The following CEP63 variants were observed in gnomAD, a reference collection of about 807,000 sequenced individuals.
The protein encoded by CEP63 is centrosomal protein of 63 kDa.
A neutral mutation model predicts 89.1 loss-of-function variants in CEP63; 84 were observed. That is an observed-to-expected ratio of 0.94 (90% confidence interval 0.79 to 1.13). CEP63 has a LOEUF of 1.13. Ranked by LOEUF, CEP63 falls within the 50% of genes most tolerant of loss-of-function variation. The pLI, the probability that CEP63 is intolerant of heterozygous loss-of-function variation, is 0.00. For synonymous variants in CEP63, 267 were observed against 272.5 expected (o/e 0.98, Z 0.20); for missense variants, 838 against 813.3 (o/e 1.03, Z -0.37).
At chr3:134,689,047 T>C in the CEP63 span, among the ~76,000 whole-genome samples, 206 of 152,320 alleles carry the variant, frequency 1.4e-3, no homozygotes, top group Middle Eastern at 3.4e-3. Flanking sequence ...TGTTTAGTGA[T>C]GGTTGGGCAC....
the CEP63 span, among the ~76,000 whole-genome samples, chr3:134,744,957 A>G: frequency 1.3e-5 from 2 of 152,246 alleles, no homozygotes; most frequent in African/African-American, 4.8e-5. Flanking sequence ...AATAAAATGC[A>G]TACTTTTAAG....
the CEP63 span, among the ~76,000 whole-genome samples, chr3:134,678,170 G>C: frequency 6.6e-6 from 1 of 152,006 alleles, no homozygotes; most frequent in Non-Finnish European, 1.5e-5. Flanking sequence ...GCTGCTTGTT[G>C]GTAGCCACAG....
chr3:134,499,212 A>G (rs1291055353), intron 2 of CEP63, among the ~76,000 whole-genome samples: 1 of 151,780 alleles, frequency 6.6e-6, no homozygotes, highest in African/African-American at 2.4e-5. Flanking sequence ...CAGTCATGTT[A>G]CTCATTATTG....
chr3:134,760,580 T>C, the CEP63 span, among the ~76,000 whole-genome samples: 11 of 152,212 alleles, frequency 7.2e-5, no homozygotes, highest in African/African-American at 1.9e-4. Flanking sequence ...TTACCATTTA[T>C]TGAGCAATTC....
At chr3:134,711,863 A>G in the CEP63 span, among the ~76,000 whole-genome samples, 2 of 151,586 alleles carry the variant, frequency 1.3e-5, no homozygotes, top group Non-Finnish European at 1.5e-5. Flanking sequence ...CCTGGGTTCA[A>G]GTGATTCTCC....
At chr3:134,626,457 G>A in the CEP63 span, among the ~76,000 whole-genome samples, 11 of 152,302 alleles carry the variant, frequency 7.2e-5, no homozygotes, top group South Asian at 8.3e-4. Flanking sequence ...TGATGTTAGC[G>A]TCACACTGCT....
chr3:134,502,368 T>C (rs1010945912), intron 2 of CEP63, among the ~76,000 whole-genome samples: 3 of 152,178 alleles, frequency 2.0e-5, no homozygotes, highest in Admixed American at 6.5e-5. Flanking sequence ...TCCCTGCTCC[T>C]CAATGTTTTG....
chr3:134,577,090 G>C (rs112800297), downstream of CEP63, among the ~76,000 whole-genome samples: 1 of 152,276 alleles, frequency 6.6e-6, no homozygotes, highest in African/African-American at 2.4e-5. Context: ...GAAAGGGAGT[G>C]GGGGCCCAGC....
At chr3:134,603,788 G>A in the CEP63 span, 362 of 1,613,258 alleles carry the variant, frequency 2.2e-4, 2 homozygotes, top group East Asian at 2.8e-3. Flanking sequence ...GGGACATTCC[G>A]GTTGGCAGGA....
the CEP63 span, among the ~76,000 whole-genome samples, chr3:134,600,481 A>T: frequency 6.6e-6 from 1 of 152,184 alleles, no homozygotes; most frequent in Non-Finnish European, 1.5e-5. Flanking sequence ...CATATGGGGA[A>T]CTCACAATGA....
intron 12 of CEP63, 102 bp downstream of exon 12, chr3:134,552,114 C>G: frequency 3.1e-6 from 2 of 654,532 alleles, no homozygotes; most frequent in Non-Finnish European, 5.2e-6. Context: ...CAACTTAGAT[C>G]CTTTTGCAGA....
chr3:134,704,430 A>G, the CEP63 span, among the ~76,000 whole-genome samples: 1 of 152,118 alleles, frequency 6.6e-6, no homozygotes, highest in Non-Finnish European at 1.5e-5. Context: ...GAGAGAGAGA[A>G]CGAAAGCAGG....
intron 1 of CEP63, chr3:134,486,834 C>G (rs1190555562): frequency 6.6e-6 from 1 of 152,258 alleles, no homozygotes; most frequent in Non-Finnish European, 1.5e-5. Flanking sequence ...CCTGAACTAA[C>G]GGCTCCATGC....
At chr3:134,683,396 T>G in the CEP63 span, among the ~76,000 whole-genome samples, 1 of 152,174 alleles carries the variant, frequency 6.6e-6, no homozygotes, top group Admixed American at 6.5e-5. Flanking sequence ...CTCATTTTAC[T>G]GAAAAGGACC....
chr3:134,629,080 C>T, the CEP63 span, among the ~76,000 whole-genome samples: 3 of 152,182 alleles, frequency 2.0e-5, no homozygotes, highest in East Asian at 1.9e-4. Flanking sequence ...GAGACATCAT[C>T]GTCCTGGGCC....
At position 134,559,316 on chromosome 3, in the gene CEP63, T is replaced by G. The variant is rs763519099; in HGVS notation, c.1840T>G (p.Ser614Ala). 1 of 1,614,162 alleles carries G rather than the reference T, an allele frequency of 6.2e-7. No individual in the cohort carries two copies. Among genetic ancestry groups the G allele is most frequent in the South Asian group, 1.1e-5 (1 of 91,084 alleles). The stretch of plus-strand genomic sequence containing the variant: ...TTGCAGCTCCACCAGGTCTTTGACT[T>G]CCTACTCTCTATGTAAAACTCATTC... The part of the protein sequence containing the change: ...SPCSSTRSLT[S>A]YSLCKTHSLP... Residue 614 changes from serine to alanine, a missense_variant, in exon 14 of 15, where the codon TCC (serine) becomes GCC (alanine). Transcript: ENST00000675561.
chr3:134,584,442 T>C (rs1045161374), intron 10 of CEP63, among the ~76,000 whole-genome samples: 1 of 152,120 alleles, frequency 6.6e-6, no homozygotes, highest in African/African-American at 2.4e-5. Flanking sequence ...AATCATGTGG[T>C]TTTTGTCGTT....
chr3:134,622,083 G>A, the CEP63 span, among the ~76,000 whole-genome samples: 2 of 152,174 alleles, frequency 1.3e-5, no homozygotes, highest in African/African-American at 2.4e-5. Flanking sequence ...CAAGAATATG[G>A]AGGAATTGGA....
At chr3:134,659,950 G>A in the CEP63 span, among the ~76,000 whole-genome samples, 13 of 152,312 alleles carry the variant, frequency 8.5e-5, no homozygotes, top group South Asian at 6.2e-4. Context: ...TAGGAGCCAC[G>A]GGTATTTTTA....
Sources: allele counts gnomAD v4.1 joint callset (sites outside exome capture counted in the v4.1 genomes callset), GRCh38; gene constraint gnomAD v4.1.1; transcripts MANE v1.5; gene names NCBI Gene and HGNC (gene_info 2026-07-23, HGNC 2026-07-21).